Variants in BABAM2 observed in about 807,000 individuals in gnomAD.
BABAM2 encodes BRISC and BRCA1-A complex member 2.
Under a neutral mutation model 54.7 loss-of-function variants are expected in BABAM2, and 31 were observed. That is an observed-to-expected ratio of 0.57 (90% CI 0.43 to 0.77). BABAM2 has a LOEUF of 0.77. Among genes scored for constraint, BABAM2 ranks in the 30% least tolerant of loss-of-function variants. The pLI, the probability that BABAM2 is intolerant of heterozygous loss-of-function variation, is 0.00. For synonymous variants in BABAM2, 167 were observed against 162.9 expected (o/e 1.03, Z -0.19); for missense variants, 364 against 455.8 (o/e 0.80, Z 1.83).
chr2:28,332,457 A>G (rs1474219511), intron 11 of BABAM2, among the ~76,000 whole-genome samples: 1 of 152,180 alleles, frequency 6.6e-6, no homozygotes, highest in Non-Finnish European at 1.5e-5. Context: ...ATCCTGTTAC[A>G]GGTGAGGAAA....
chr2:28,101,627 GC>G (rs752714584), intron 6 of BABAM2, among the ~76,000 whole-genome samples: 5 of 152,054 alleles, frequency 3.3e-5, no homozygotes, highest in Non-Finnish European at 7.3e-5. Flanking sequence ...CTCCTAACAT[GC>G]CCCATATAGT....
intron 6 of BABAM2, among the ~76,000 whole-genome samples, chr2:28,118,005 G>A (rs909012681): frequency 6.6e-6 from 1 of 152,142 alleles, no homozygotes; most frequent in Non-Finnish European, 1.5e-5. Flanking sequence ...TGTTTCATAT[G>A]TGCTTAAATA....
At chr2:28,125,093 A>G (rs145662691) in intron 6 of BABAM2, among the ~76,000 whole-genome samples, 1 of 152,260 alleles carries the variant, frequency 6.6e-6, no homozygotes, top group Non-Finnish European at 1.5e-5. Context: ...AGAAATGTAG[A>G]TGACCAGTAA....
rs374337209 is a variant in BABAM2 at position 28,170,282 on chromosome 2, A to C, written c.680+40902A>C. 2.0e-5 allele frequency among the ~76,000 whole-genome samples: 3 copies of C among 152,094 alleles called. No individual in the cohort carries two copies. The East Asian group carries it at 5.8e-4, about 29-fold the overall frequency. On this transcript the variant is annotated intron_variant, in intron 7 of 11. Coordinates refer to ENST00000379624, the MANE Select transcript of BABAM2 (RefSeq NM_199191.3). ...AATTAAAAAGGAAATCTGTATATCA[A>C]AATTAATAGTGGTTTTCTCTGGAGT...
chr2:27,985,651 A>G (rs1672345500), intron 3 of BABAM2, among the ~76,000 whole-genome samples: 1 of 152,162 alleles, frequency 6.6e-6, no homozygotes, highest in South Asian at 2.1e-4. Flanking sequence ...AAATAAGTAT[A>G]AAAACATGTC....
intron 7 of BABAM2, among the ~76,000 whole-genome samples, chr2:28,167,226 G>A (rs1027670255): frequency 3.9e-5 from 6 of 152,108 alleles, no homozygotes; most frequent in African/African-American, 7.2e-5. Context: ...TATATAGATA[G>A]GTACTGAAGT....
chr2:27,926,187 A>G (rs1449597670), intron 2 of BABAM2, among the ~76,000 whole-genome samples: 1 of 151,872 alleles, frequency 6.6e-6, no homozygotes, highest in Non-Finnish European at 1.5e-5. Flanking sequence ...TGCTTGGCAT[A>G]AAAGCTGAAT....
chr2:27,938,013 C>T (rs1404179941), intron 3 of BABAM2, among the ~76,000 whole-genome samples: 4 of 152,136 alleles, frequency 2.6e-5, no homozygotes, highest in African/African-American at 4.8e-5. Context: ...AGTGTTACTC[C>T]TCTTCATGTG....
intron 9 of BABAM2, among the ~76,000 whole-genome samples, chr2:28,241,885 G>A (rs1411858803): frequency 3.8e-5 from 4 of 105,240 alleles, no homozygotes; most frequent in Admixed American, 2.1e-4. Context: ...TTTTTTTTTC[G>A]GTACTCTTTG....
chr2:28,206,317 G>T (rs1678836003), intron 7 of BABAM2, among the ~76,000 whole-genome samples: 1 of 152,114 alleles, frequency 6.6e-6, no homozygotes, highest in Non-Finnish European at 1.5e-5. Flanking sequence ...CCAGCCTGAG[G>T]AATTTGTGTG....
chr2:28,081,205 T>A (rs939092675), intron 6 of BABAM2, among the ~76,000 whole-genome samples: 1 of 152,162 alleles, frequency 6.6e-6, no homozygotes, highest in Non-Finnish European at 1.5e-5. Flanking sequence ...CCTGCTTCCA[T>A]CCAGAGTCCC....
chr2:28,308,788 G>A (rs1688792085), intron 11 of BABAM2: 1 of 173,234 alleles, frequency 5.8e-6, no homozygotes, highest in East Asian at 1.7e-4. Flanking sequence ...ATAAAGTCAA[G>A]ACATAGCTGG....
At chr2:27,986,487 T>C (rs72854454) in intron 3 of BABAM2, among the ~76,000 whole-genome samples, 376 of 152,208 alleles carry the variant, frequency 2.5e-3, no homozygotes, top group African/African-American at 8.7e-3. Context: ...GAAAAATCCA[T>C]ATGAGTGACA....
chr2:28,316,933 G>A (rs577834369), intron 11 of BABAM2, among the ~76,000 whole-genome samples: 1 of 152,234 alleles, frequency 6.6e-6, no homozygotes, highest in African/African-American at 2.4e-5. Flanking sequence ...CTAGGTGTCT[G>A]TCTACTACTT....
intron 6 of BABAM2, among the ~76,000 whole-genome samples, chr2:28,093,051 C>T (rs1666295914): frequency 6.6e-6 from 1 of 151,868 alleles, no homozygotes; most frequent in African/African-American, 2.4e-5. Flanking sequence ...TGTACTTTTC[C>T]CCTATTACAT....
intron 4 of BABAM2, among the ~76,000 whole-genome samples, chr2:28,007,292 G>A (rs1674047935): frequency 6.6e-6 from 1 of 151,994 alleles, no homozygotes; most frequent in Admixed American, 6.6e-5. Context: ...TTACTCATGT[G>A]CACAGGTGTA....
intron 7 of BABAM2, chr2:28,134,691 A>G (rs980529037): frequency 2.0e-5 from 3 of 152,218 alleles, no homozygotes; most frequent in African/African-American, 4.8e-5. Context: ...AACGCTCACT[A>G]TTATTGAGGC....
intron 3 of BABAM2, among the ~76,000 whole-genome samples, chr2:27,985,057 ATGTGTGTGTGTGTGTG>A (rs35552031): frequency 3.6e-5 from 5 of 137,410 alleles, no homozygotes; most frequent in African/African-American, 8.3e-5. Flanking sequence ...GTATTCCATG[ATGTGTGTGTGTGTGTG>A]TGTGTGTGTG....
intron 5 of BABAM2, among the ~76,000 whole-genome samples, chr2:28,037,066 T>TA (rs1309523730): frequency 6.6e-6 from 1 of 152,200 alleles, no homozygotes. Context: ...TAGTTTTTTT[T>TA]AAATTCCTTA....
Sources: allele counts gnomAD v4.1 joint callset (sites outside exome capture counted in the v4.1 genomes callset), GRCh38; gene constraint gnomAD v4.1.1; transcripts MANE v1.5; gene names NCBI Gene and HGNC (gene_info 2026-07-23, HGNC 2026-07-21).